Variants in RBFOX1 observed in about 807,000 individuals in gnomAD.
RBFOX1 encodes the protein RNA binding fox-1 homolog 1.
In RBFOX1, 8 loss-of-function variants were observed where a neutral mutation model predicts 57.7. The observed-to-expected ratio is 0.14, with a 90% CI of 0.08 to 0.25. The LOEUF is 0.25. RBFOX1 is among the 10% of genes least tolerant of loss of function. The pLI is 1.00. For synonymous variants in RBFOX1, 326 were observed against 222.4 expected, an observed-to-expected ratio of 1.47 and a Z score of -4.15; for missense variants, 611 against 548.5, an observed-to-expected ratio of 1.11 and a Z score of -1.14.
intron 4 of RBFOX1, among the ~76,000 whole-genome samples, chr16:5,870,919 C>T (rs952648633): frequency 2.0e-5 from 3 of 151,932 alleles, no homozygotes; most frequent in South Asian, 2.1e-4. Context: ...CAGAACAAAC[C>T]CCACCTGTGG....
chr16:6,559,111 ATG>A (rs34909448), intron 2 of RBFOX1, among the ~76,000 whole-genome samples: 75,880 of 149,666 alleles, frequency 0.51, 19,417 homozygotes, highest in Non-Finnish European at 0.53. Context: ...ATATATACAT[ATG>A]TGTGTGTGTG....
chr16:6,761,263 G>A lies in RBFOX1; in HGVS notation c.-16+106613G>A, dbSNP rs151272710. 5.3e-5 allele frequency among the ~76,000 whole-genome samples: 8 copies of A among 152,200 alleles called. No homozygotes were observed. In the South Asian group the frequency reaches 6.2e-4, roughly 12 times the overall value. On this transcript the variant is annotated intron_variant, in intron 3 of 15. Transcript: ENST00000550418. ...AAAAAGTAATCAATTTAATCCGTCCGAAGGGCTAAGTGATTCAGAGAACTG... is the reference window on the plus strand; with the variant it reads ...AAAAAGTAATCAATTTAATCCGTCCAAAGGGCTAAGTGATTCAGAGAACTG...
intron 3 of RBFOX1, among the ~76,000 whole-genome samples, chr16:5,631,695 C>T (rs34458023): frequency 0.041 from 6,196 of 152,238 alleles, 170 homozygotes; most frequent in Admixed American, 0.087. Context: ...TCATTGCCTT[C>T]CCCTACCCTC....
rs774553742 is a variant in RBFOX1, at chr16:6,977,937, G to GGAAAAAAAAA, written c.-15-74120_-15-74119insGAAAAAAAAA. On this transcript the variant is annotated intron_variant, in intron 3 of 15. Transcript: ENST00000550418. ...AACTGCCTCTTCCAGCCTCCCCAGG[G>GGAAAAAAAAA]AAAAAAAAAAAAAAGGCAAACCTCC... is the stretch of plus-strand genomic sequence containing the variant. 2.3e-4 allele frequency among the ~76,000 whole-genome samples: 18 copies of GGAAAAAAAAA among 79,468 alleles called. No homozygotes were observed. The South Asian group carries it at 4.0e-3, about 18-fold the overall frequency. 52.1% of individuals were successfully genotyped at this position (79,468 alleles called of 152,430 possible).
intron 2 of RBFOX1, among the ~76,000 whole-genome samples, chr16:6,382,859 CA>C (rs2091940285): frequency 6.6e-6 from 1 of 151,910 alleles, no homozygotes; most frequent in Admixed American, 6.6e-5. Context: ...GACTCTGTCT[CA>C]AAAAAGAAAA....
chr16:6,212,117 C>A (rs1281924488), intron 1 of RBFOX1, among the ~76,000 whole-genome samples: 1 of 152,010 alleles, frequency 6.6e-6, no homozygotes, highest in African/African-American at 2.4e-5. Context: ...CTCGGCCTCC[C>A]AATGTGTTGA....
intron 1 of RBFOX1, among the ~76,000 whole-genome samples, chr16:6,078,160 T>TA (rs1413828360): frequency 3.3e-5 from 5 of 152,268 alleles, no homozygotes; most frequent in African/African-American, 1.2e-4. Context: ...GAACATGTGG[T>TA]AACATGTATG....
intron 2 of RBFOX1, among the ~76,000 whole-genome samples, chr16:6,353,641 G>A (rs535934375): frequency 2.0e-5 from 3 of 152,118 alleles, no homozygotes; most frequent in Admixed American, 2.0e-4. Context: ...AATTCAAAGG[G>A]GGCTTGTATC....
chr16:6,247,515 G>A (rs2097575895), intron 1 of RBFOX1, among the ~76,000 whole-genome samples: 1 of 152,198 alleles, frequency 6.6e-6, no homozygotes, highest in Non-Finnish European at 1.5e-5. Context: ...TTAAGATAGT[G>A]GTAGTAACAG....
At chr16:6,961,908 A>G (rs1442755441) in intron 3 of RBFOX1, among the ~76,000 whole-genome samples, 1 of 152,112 alleles carries the variant, frequency 6.6e-6, no homozygotes, top group Non-Finnish European at 1.5e-5. Context: ...ATCCTGTTTT[A>G]TCAGCAGGGT....
intron 4 of RBFOX1, among the ~76,000 whole-genome samples, chr16:7,102,041 C>T (rs1274363639): frequency 6.6e-6 from 1 of 152,154 alleles, no homozygotes; most frequent in East Asian, 1.9e-4. Context: ...AGTGTTTGCA[C>T]CCATGCTGGG....
intron 4 of RBFOX1, among the ~76,000 whole-genome samples, chr16:7,416,801 T>A (rs912924209): frequency 6.6e-6 from 1 of 152,092 alleles, no homozygotes; most frequent in Admixed American, 6.5e-5. Flanking sequence ...TGAGTAGATA[T>A]CATGTATCAA....
At chr16:6,516,183 C>G (rs1041083549) in intron 2 of RBFOX1, among the ~76,000 whole-genome samples, 1 of 152,156 alleles carries the variant, frequency 6.6e-6, no homozygotes, top group Non-Finnish European at 1.5e-5. Context: ...CATGTGCCAC[C>G]ATGCCTGGCT....
chr16:6,587,743 C>A (rs1402985869), intron 2 of RBFOX1, among the ~76,000 whole-genome samples: 2 of 152,160 alleles, frequency 1.3e-5, no homozygotes, highest in Non-Finnish European at 2.9e-5. Flanking sequence ...TTTTTACATA[C>A]AAACTTGTAG....
At chr16:7,355,515 A>G (rs1310626282) in intron 4 of RBFOX1, among the ~76,000 whole-genome samples, 1 of 152,126 alleles carries the variant, frequency 6.6e-6, no homozygotes, top group Non-Finnish European at 1.5e-5. Flanking sequence ...GTATGTGTAC[A>G]AGGACACCAT....
At chr16:5,939,836 A>G (rs1416962335) in intron 4 of RBFOX1, among the ~76,000 whole-genome samples, 8 of 152,200 alleles carry the variant, frequency 5.3e-5, no homozygotes, top group Non-Finnish European at 1.0e-4. Flanking sequence ...CCATATGGAC[A>G]TGGGGATCTA....
chr16:5,995,554 A>G (rs765308232), intron 4 of RBFOX1, among the ~76,000 whole-genome samples: 5 of 152,260 alleles, frequency 3.3e-5, no homozygotes, highest in Non-Finnish European at 7.3e-5. Flanking sequence ...GGACAAAGAA[A>G]TCTTTGTGCA....
At position 7,260,876 on chromosome 16, in the gene RBFOX1, G is replaced by A. The variant is rs79696246; in HGVS notation, c.27+208778G>A. 2.7e-3 allele frequency among the ~76,000 whole-genome samples: 411 copies of A among 152,274 alleles called. 10 individuals are homozygous for A. In the East Asian group the frequency reaches 0.06, roughly 22 times the overall value. On this transcript the variant is annotated intron_variant, in intron 4 of 15. Transcript: ENST00000550418. The stretch of plus-strand genomic sequence containing the variant: ...GGGAACCCCTATCTAATTAAGAGCT[G>A]GGGGAGTTCTGATGCAGTCACTGGG...
At chr16:6,083,508 G>T (rs1442953712) in intron 1 of RBFOX1, among the ~76,000 whole-genome samples, 1 of 152,026 alleles carries the variant, frequency 6.6e-6, no homozygotes, top group African/African-American at 2.4e-5. Context: ...ATAGGGTCTT[G>T]CTTTCTTGCC....
Sources: allele counts gnomAD v4.1 joint callset (sites outside exome capture counted in the v4.1 genomes callset), GRCh38; gene constraint gnomAD v4.1.1; transcripts MANE v1.5; gene names NCBI Gene and HGNC (gene_info 2026-07-23, HGNC 2026-07-21).